ERBB4: variants seen among roughly 807,000 people sequenced by gnomAD.
ERBB4 encodes the protein erb-b2 receptor tyrosine kinase 4.
ERBB4 carries 42 observed loss-of-function variants against 158.0 expected under a neutral mutation model. The observed-to-expected ratio is 0.27, with a 90% CI of 0.21 to 0.34. The LOEUF (loss-of-function observed/expected upper bound fraction) is 0.34, where lower values mean the gene tolerates loss of function less well. Ranked by LOEUF, ERBB4 falls within the 10% of genes least tolerant of loss-of-function variation. The probability of loss-of-function intolerance (pLI) is 1.00; values close to 1 mark genes in which losing one functional copy is unlikely to be tolerated. For missense variants in ERBB4, 1,333 were observed against 1,624.1 expected (o/e 0.82, Z 3.08); for synonymous variants, 583 against 558.7 (o/e 1.04, Z -0.61).
At chr2:212,059,876 G>A (rs1293311319) in intron 2 of ERBB4, among the ~76,000 whole-genome samples, 2 of 152,132 alleles carry the variant, frequency 1.3e-5, no homozygotes, top group African/African-American at 4.8e-5. Context: ...CAGGACACAG[G>A]CATGGGCAAG....
intron 16 of ERBB4, among the ~76,000 whole-genome samples, chr2:211,656,582 T>A (rs2071226648): frequency 2.6e-5 from 4 of 152,222 alleles, no homozygotes; most frequent in Admixed American, 2.6e-4. Context: ...ATGATCAAGA[T>A]AGAAGAATAG....
At chr2:211,957,439 T>C (rs758692381) in intron 2 of ERBB4, among the ~76,000 whole-genome samples, 4 of 152,074 alleles carry the variant, frequency 2.6e-5, no homozygotes, top group Non-Finnish European at 4.4e-5. Context: ...AAAATAAATA[T>C]CTGTTGTTTA....
intron 8 of ERBB4, among the ~76,000 whole-genome samples, chr2:211,712,695 A>C (rs925136519): frequency 1.3e-5 from 2 of 152,128 alleles, no homozygotes; most frequent in African/African-American, 4.8e-5. Flanking sequence ...ATCAAGGGCC[A>C]TTCAAATATT....
intron 3 of ERBB4, among the ~76,000 whole-genome samples, chr2:211,883,143 T>C (rs1304383723): frequency 6.6e-6 from 1 of 152,174 alleles, no homozygotes; most frequent in Non-Finnish European, 1.5e-5. Context: ...TAATGTCCTT[T>C]GTAGGGACAT....
intron 7 of ERBB4, among the ~76,000 whole-genome samples, chr2:211,720,186 A>T (rs7563762): frequency 0.67 from 102,559 of 152,064 alleles, 35,113 homozygotes; most frequent in Non-Finnish European, 0.73. Flanking sequence ...TAAGAAATTC[A>T]CTCCTTGGAA....
At chr2:212,137,746 CA>C (rs2080319972) in intron 1 of ERBB4, among the ~76,000 whole-genome samples, 1 of 152,126 alleles carries the variant, frequency 6.6e-6, no homozygotes, top group East Asian at 1.9e-4. Context: ...AAGGAATCAA[CA>C]CACTGTCTTC....
intron 4 of ERBB4, among the ~76,000 whole-genome samples, chr2:211,772,844 TATATATATATATATATATATATATACAC>T (rs1575123413): frequency 2.0e-4 from 13 of 65,162 alleles, no homozygotes; most frequent in South Asian, 6.1e-4. Flanking sequence ...TACACATATA[TATATATATATATATATATATATATACAC>T]ATATATATAT....
intron 2 of ERBB4, among the ~76,000 whole-genome samples, chr2:211,982,870 GT>G (rs1023517120): frequency 6.6e-5 from 10 of 152,246 alleles, no homozygotes; most frequent in African/African-American, 2.4e-4. Context: ...TTGCAATACA[GT>G]TTTTTATCAT....
At chr2:212,532,320 G>C (rs1405364242) in intron 1 of ERBB4, among the ~76,000 whole-genome samples, 1 of 152,190 alleles carries the variant, frequency 6.6e-6, no homozygotes, top group African/African-American at 2.4e-5. Context: ...GAAAGTGAGG[G>C]AATGTCAACG....
In ERBB4 at chr2:211,889,615, G is replaced by A. The variant is rs1012567676; in HGVS notation, c.421+57815C>T. 9.7e-4 allele frequency among the ~76,000 whole-genome samples: 144 copies of A among 148,808 alleles called. 1 individual carries two copies. Among genetic ancestry groups the A allele is most frequent in the African/African-American group, 3.2e-3 (127 of 39,636 alleles). On this transcript the variant is annotated intron_variant, in intron 3 of 27. Coordinates refer to ENST00000342788, the MANE Select transcript of ERBB4 (RefSeq NM_005235.3). Reference sequence around the variant, plus strand: ...AGACGATCAAATTACTCCGAGCTACGGGAGGACATTCAAACCAAAGGCAAA... The same window carrying A: ...AGACGATCAAATTACTCCGAGCTACAGGAGGACATTCAAACCAAAGGCAAA...
rs529535922 is a variant in ERBB4, at chr2:211,884,644, G to A, written c.421+62786C>T. On this transcript the variant is annotated intron_variant, in intron 3 of 27. Transcript: ENST00000342788. ...ATTTCCCACATGTATCATATTTATA[G>A]CATTTCATTATCCTCTGTCTGTGAC... Among the ~76,000 whole-genome samples the A allele has an allele frequency of 8.5e-5, 13 of 152,226 alleles. No individual in the cohort carries two copies. The South Asian group carries it at 1.9e-3, about 22-fold the overall frequency.
At chr2:212,065,358 A>G (rs932716970) in intron 2 of ERBB4, among the ~76,000 whole-genome samples, 1 of 152,014 alleles carries the variant, frequency 6.6e-6, no homozygotes, top group African/African-American at 2.4e-5. Flanking sequence ...ACCATGCAAA[A>G]TTGCCTACAA....
chr2:212,119,369 G>C (rs2079673628), intron 2 of ERBB4, among the ~76,000 whole-genome samples: 1 of 152,014 alleles, frequency 6.6e-6, no homozygotes, highest in Non-Finnish European at 1.5e-5. Context: ...AAAGCTGGTG[G>C]GTCAGGCACC....
chr2:211,819,879 G>A (rs1012323027), intron 3 of ERBB4, among the ~76,000 whole-genome samples: 23 of 151,890 alleles, frequency 1.5e-4, no homozygotes, highest in African/African-American at 7.2e-5. Context: ...TTTAAGTTGT[G>A]ATAGTTTTTA....
rs935080440 is a variant in ERBB4 at position 211,726,254 on chromosome 2, G to C, written c.623-1060C>G. Among the ~76,000 whole-genome samples, 3 of 151,948 alleles carry C rather than the reference G, an allele frequency of 2.0e-5. No individual in the cohort carries two copies. In the East Asian group the frequency reaches 5.8e-4, roughly 29 times the overall value. ...CCCAGACCTGTTCTTGACAATTTTG[G>C]GGGGACTATGGGCTCATTCCTGGAT... is the stretch of plus-strand genomic sequence containing the variant. On this transcript the variant is annotated intron_variant, in intron 5 of 27. Coordinates refer to ENST00000342788, the MANE Select transcript of ERBB4 (RefSeq NM_005235.3).
At chr2:211,405,228 T>TCAATCAGCACTTTATCCTCAGTGA (rs1176091252) in intron 25 of ERBB4, among the ~76,000 whole-genome samples, 1 of 152,076 alleles carries the variant, frequency 6.6e-6, no homozygotes, top group Non-Finnish European at 1.5e-5. Flanking sequence ...CTAAATTGCC[T>TCAATCAGCACTTTATCCTCAGTGA]CAATCAGCAC....
intron 1 of ERBB4, among the ~76,000 whole-genome samples, chr2:212,381,467 CAT>C (rs1254856664): frequency 4.6e-5 from 7 of 151,318 alleles, no homozygotes; most frequent in Non-Finnish European, 1.0e-4. Flanking sequence ...GACACTATTA[CAT>C]GTATATGTGT....
intron 12 of ERBB4, among the ~76,000 whole-genome samples, chr2:211,694,280 T>C (rs2072927341): frequency 6.6e-6 from 1 of 152,144 alleles, no homozygotes; most frequent in South Asian, 2.1e-4. Context: ...AGTTTTACTT[T>C]AAAATTTTGC....
chr2:212,368,956 C>T (rs2089990971), intron 1 of ERBB4, among the ~76,000 whole-genome samples: 1 of 152,142 alleles, frequency 6.6e-6, no homozygotes. Context: ...AATGCAGAAT[C>T]TCAGGCAGGC....
Sources: gnomAD v4.1 joint callset for allele counts (sites outside exome capture counted in the v4.1 genomes callset) on GRCh38, gnomAD v4.1.1 for gene constraint, MANE v1.5 for transcripts, NCBI Gene and HGNC (gene_info 2026-07-23, HGNC 2026-07-21) for gene names.